Variants in NALF1 observed in about 807,000 individuals in gnomAD.
NALF1 encodes NALCN channel auxiliary factor 1.
NALF1 carries 3 observed loss-of-function variants against 48.4 expected under a neutral mutation model. The observed-to-expected ratio is 0.06, with a 90% confidence interval of 0.03 to 0.16. The LOEUF (loss-of-function observed/expected upper bound fraction) is 0.16. Ranked by LOEUF, NALF1 falls within the 10% of genes least tolerant of loss-of-function variation. NALF1 has a pLI of 1.00. For synonymous variants in NALF1, 262 were observed against 245.7 expected, an observed-to-expected ratio of 1.07 and a Z score of -0.62; for missense variants, 526 against 571.5, an observed-to-expected ratio of 0.92 and a Z score of 0.81.
At chr13:107,463,939 C>G (rs1040722768) in intron 1 of NALF1, among the ~76,000 whole-genome samples, 35 of 152,012 alleles carry the variant, frequency 2.3e-4, no homozygotes, top group Non-Finnish European at 5.9e-5. Context: ...TGATGTGTAA[C>G]CAAATCGTTT....
At chr13:107,479,737 G>T (rs1566359429) in intron 1 of NALF1, among the ~76,000 whole-genome samples, 1 of 152,140 alleles carries the variant, frequency 6.6e-6, no homozygotes, top group African/African-American at 2.4e-5. Flanking sequence ...TGCTCCTATA[G>T]TTTTAGCCTA....
At chr13:107,443,169 A>AATCTATCAATCTATCT (rs1189335905) in intron 1 of NALF1, among the ~76,000 whole-genome samples, 20 of 128,428 alleles carry the variant, frequency 1.6e-4, no homozygotes, top group South Asian at 2.6e-4. Flanking sequence ...TTTATCTAAC[A>AATCTATCAATCTATCT]ATCTATCTAT....
chr13:107,411,171 C>A (rs1883982992), intron 1 of NALF1, among the ~76,000 whole-genome samples: 1 of 152,196 alleles, frequency 6.6e-6, no homozygotes, highest in Middle Eastern at 3.4e-3. Flanking sequence ...AATGCAAATT[C>A]GAGGACATGT....
chr13:107,617,698 G>T (rs561449251), intron 1 of NALF1, among the ~76,000 whole-genome samples: 1 of 152,292 alleles, frequency 6.6e-6, no homozygotes, highest in South Asian at 2.1e-4. Context: ...CAGGACAAGT[G>T]CAAAGAAGGC....
At chr13:107,306,508 A>C (rs543723620) in intron 1 of NALF1, among the ~76,000 whole-genome samples, 9 of 152,180 alleles carry the variant, frequency 5.9e-5, no homozygotes, top group Non-Finnish European at 1.3e-4. Flanking sequence ...ACTGTCATTT[A>C]CCGTTTTGAG....
At chr13:107,445,717 C>G (rs1884638075) in intron 1 of NALF1, among the ~76,000 whole-genome samples, 1 of 152,112 alleles carries the variant, frequency 6.6e-6, no homozygotes, top group East Asian at 1.9e-4. Flanking sequence ...TTCTCATTAG[C>G]ATTTAGTGTT....
At chr13:107,332,535 C>T (rs1882488476) in intron 1 of NALF1, among the ~76,000 whole-genome samples, 1 of 152,206 alleles carries the variant, frequency 6.6e-6, no homozygotes, top group Non-Finnish European at 1.5e-5. Context: ...CCCTCAGGAG[C>T]AGCTGTGGGG....
intron 1 of NALF1, among the ~76,000 whole-genome samples, chr13:107,398,386 C>CAAAA (rs11369345): frequency 7.8e-6 from 1 of 128,430 alleles, no homozygotes; most frequent in Non-Finnish European, 1.7e-5. Flanking sequence ...AACAAACATC[C>CAAAA]AAAAAAAAAA....
At chr13:107,731,627 C>A (rs1237742065) in intron 1 of NALF1, among the ~76,000 whole-genome samples, 1 of 152,162 alleles carries the variant, frequency 6.6e-6, no homozygotes, top group African/African-American at 2.4e-5. Context: ...TCACTTATCT[C>A]CCACTTATAA....
chr13:107,385,552 C>CAAAAAAAAAAAAAAAA (rs201307018), intron 1 of NALF1, among the ~76,000 whole-genome samples: 5 of 118,296 alleles, frequency 4.2e-5, no homozygotes, highest in South Asian at 2.9e-4. Flanking sequence ...GATTCCATCT[C>CAAAAAAAAAAAAAAAA]AAAAAAAAAA....
At position 107,308,264 on chromosome 13, in the gene NALF1, T is replaced by C. The variant is rs1173514130; in HGVS notation, c.916-97509A>G. ...TCGCCCAGGCTGGAGTCCAGTGGCG[T>C]GACCTCGGCTCACTGCAAGCTCCGT... is the stretch of plus-strand genomic sequence containing the variant. On this transcript the variant is annotated intron_variant, in intron 1 of 2. Transcript: ENST00000375915. 4.5e-4 allele frequency among the ~76,000 whole-genome samples: 65 copies of C among 144,286 alleles called. No homozygotes were observed. The Middle Eastern group carries it at 0.015, about 34-fold the overall frequency. 94.7% of individuals were successfully genotyped at this position (144,286 alleles called of 152,430 possible).
chr13:107,731,735 A>G lies in NALF1; in HGVS notation c.915+133947T>C, dbSNP rs377577835. Among the ~76,000 whole-genome samples, 10 of 152,226 alleles carry G rather than the reference A, an allele frequency of 6.6e-5. No homozygotes were observed. The East Asian group carries it at 1.5e-3, about 24-fold the overall frequency. On this transcript the variant is annotated intron_variant, in intron 1 of 2. Coordinates refer to ENST00000375915, the MANE Select transcript of NALF1 (RefSeq NM_001080396.3). The stretch of plus-strand genomic sequence containing the variant: ...ATGTTCCTGCAAAGGACATGATCTC[A>G]TTCCTTTTTATGACTGCGTAGTATT...
intron 1 of NALF1, among the ~76,000 whole-genome samples, chr13:107,461,968 G>A (rs868531030): frequency 6.6e-6 from 1 of 152,132 alleles, no homozygotes; most frequent in Non-Finnish European, 1.5e-5. Context: ...GTTAAAAAAG[G>A]CAGTAGGTTA....
chr13:107,176,373 T>G (rs12858291), intron 2 of NALF1, among the ~76,000 whole-genome samples: 2 of 144,612 alleles, frequency 1.4e-5, no homozygotes, highest in Admixed American at 1.4e-4. Context: ...CTGGATGCGG[T>G]GGCTCATGCC....
chr13:107,641,839 C>T (rs1880165421), intron 1 of NALF1, among the ~76,000 whole-genome samples: 1 of 152,162 alleles, frequency 6.6e-6, no homozygotes, highest in Non-Finnish European at 1.5e-5. Flanking sequence ...TTCAACACCA[C>T]ATGGTACTTC....
intron 1 of NALF1, among the ~76,000 whole-genome samples, chr13:107,420,556 A>G (rs1336083573): frequency 1.3e-5 from 2 of 152,194 alleles, no homozygotes; most frequent in Non-Finnish European, 2.9e-5. Context: ...GTAACATCAT[A>G]GTGGTAGTCA....
intron 1 of NALF1, among the ~76,000 whole-genome samples, chr13:107,435,889 C>T (rs943878141): frequency 6.6e-6 from 1 of 152,130 alleles, no homozygotes; most frequent in Non-Finnish European, 1.5e-5. Context: ...ACCTACTTAA[C>T]CTGGGGCTGA....
At chr13:107,610,267 A>G (rs1879190844) in intron 1 of NALF1, among the ~76,000 whole-genome samples, 1 of 152,240 alleles carries the variant, frequency 6.6e-6, no homozygotes, top group Non-Finnish European at 1.5e-5. Context: ...AAGAGTATAC[A>G]CTAGACAATC....
intron 1 of NALF1, among the ~76,000 whole-genome samples, chr13:107,759,958 T>C (rs1431082568): frequency 6.6e-6 from 1 of 152,122 alleles, no homozygotes; most frequent in Non-Finnish European, 1.5e-5. Flanking sequence ...TTTTGTCACA[T>C]TCAACATTCA....
Sources: allele counts gnomAD v4.1 joint callset (sites outside exome capture counted in the v4.1 genomes callset), GRCh38; gene constraint gnomAD v4.1.1; transcripts MANE v1.5; gene names NCBI Gene and HGNC (gene_info 2026-07-23, HGNC 2026-07-21).